The following PCDH15 variants were observed in gnomAD, a reference collection of about 807,000 sequenced individuals.
PCDH15 encodes the protein protocadherin related 15.
PCDH15 carries 129 observed loss-of-function variants against 178.5 expected under a neutral mutation model. The ratio of observed to expected loss-of-function variants is 0.72; its 90% CI spans 0.63 to 0.84. The LOEUF is 0.84. PCDH15 is among the 40% of genes least tolerant of loss of function. The pLI is 0.00. For missense variants in PCDH15, 2,230 were observed against 2,099.9 expected, an observed-to-expected ratio of 1.06 and a Z score of -1.21; for synonymous variants, 800 against 732.0, an observed-to-expected ratio of 1.09 and a Z score of -1.50.
chr10:53,881,617 A>G (rs755753079), intron 26 of PCDH15, among the ~76,000 whole-genome samples: 4 of 152,204 alleles, frequency 2.6e-5, no homozygotes, highest in Non-Finnish European at 5.9e-5. Context: ...TTAGACATAC[A>G]TAATTTTTAA....
intron 8 of PCDH15, among the ~76,000 whole-genome samples, chr10:54,297,826 C>G (rs80026065): frequency 0.047 from 7,221 of 152,234 alleles, 572 homozygotes; most frequent in African/African-American, 0.17. Flanking sequence ...AGCCTTTGAT[C>G]TTATTGGAAA....
At chr10:55,265,521 G>A (rs904122874) in intron 1 of PCDH15, among the ~76,000 whole-genome samples, 1 of 152,030 alleles carries the variant, frequency 6.6e-6, no homozygotes, top group African/African-American at 2.4e-5. Flanking sequence ...ATCACATATA[G>A]CATCAGGGAA....
At chr10:53,875,434 CTG>C (rs2080161755) in intron 26 of PCDH15, among the ~76,000 whole-genome samples, 2 of 151,958 alleles carry the variant, frequency 1.3e-5, no homozygotes, top group African/African-American at 4.8e-5. Flanking sequence ...AACTGACTCA[CTG>C]TGGAAACGCT....
intron 6 of PCDH15, among the ~76,000 whole-genome samples, chr10:54,330,144 TTTAAGTA>T (rs1466463688): frequency 7.0e-6 from 1 of 141,942 alleles, no homozygotes; most frequent in East Asian, 1.9e-4. Context: ...TTTAAGTATT[TTTAAGTA>T]TTATCTGGCA....
At chr10:54,021,486 T>C (rs1198536307) in intron 19 of PCDH15, among the ~76,000 whole-genome samples, 1 of 151,994 alleles carries the variant, frequency 6.6e-6, no homozygotes, top group South Asian at 2.1e-4. Context: ...ATCCTTAACA[T>C]GGTAAGAGCC....
chr10:54,936,863 TTATC>T (rs757600258), intron 2 of PCDH15, among the ~76,000 whole-genome samples: 25 of 151,976 alleles, frequency 1.6e-4, no homozygotes, highest in Middle Eastern at 3.4e-3. Flanking sequence ...TGTAGTCTAA[TTATC>T]TATTTTTCTT....
At chr10:54,982,244 T>C (rs1178255800) in intron 2 of PCDH15, among the ~76,000 whole-genome samples, 1 of 152,146 alleles carries the variant, frequency 6.6e-6, no homozygotes, top group African/African-American at 2.4e-5. Context: ...ATATTATATT[T>C]CAAATGCTAG....
At chr10:54,819,574 G>T (rs768218083) in intron 3 of PCDH15, among the ~76,000 whole-genome samples, 2 of 151,806 alleles carry the variant, frequency 1.3e-5, no homozygotes, top group Non-Finnish European at 2.9e-5. Context: ...GCATTCATTA[G>T]GAAGGTGTAT....
intron 13 of PCDH15, among the ~76,000 whole-genome samples, chr10:54,172,290 C>G (rs1002785394): frequency 1.3e-5 from 2 of 151,898 alleles, no homozygotes; most frequent in African/African-American, 4.8e-5. Flanking sequence ...AACACCCCCA[C>G]TGAGCACCTT....
intron 8 of PCDH15, among the ~76,000 whole-genome samples, chr10:54,274,540 T>C (rs996712890): frequency 4.6e-5 from 7 of 151,708 alleles, no homozygotes; most frequent in African/African-American, 1.5e-4. Flanking sequence ...TGGAATAAAA[T>C]AAGCAGCCAA....
intron 2 of PCDH15, among the ~76,000 whole-genome samples, chr10:54,985,601 T>C (rs562641531): frequency 6.6e-6 from 1 of 152,302 alleles, no homozygotes; most frequent in South Asian, 2.1e-4. Flanking sequence ...ACTGATTATT[T>C]ACCCTGATGA....
At chr10:55,591,350 G>T (rs1015897087) in intron 2 of PCDH15, among the ~76,000 whole-genome samples, 8 of 152,078 alleles carry the variant, frequency 5.3e-5, no homozygotes, top group African/African-American at 1.9e-4. Context: ...TAGGAGGCTT[G>T]CTTGAGCCCA....
chr10:55,410,626 A>G (rs1004000503), intron 2 of PCDH15, among the ~76,000 whole-genome samples: 1 of 152,186 alleles, frequency 6.6e-6, no homozygotes, highest in Non-Finnish European at 1.5e-5. Context: ...TAATACAATG[A>G]AACATTTCCC....
rs1389595386 is a variant in PCDH15, at chr10:54,273,945, C to T, written c.877-37014G>A. Among the ~76,000 whole-genome samples, 3 of 152,202 alleles carry T rather than the reference C, an allele frequency of 2.0e-5. No individual in the cohort carries two copies. In the South Asian group the frequency reaches 6.2e-4, roughly 32 times the overall value. The stretch of plus-strand genomic sequence containing the variant: ...TATGGTATATAAACATCATGGCATA[C>T]TATGCAGCTATAAAAAAGAACAAGA... On this transcript the variant is annotated intron_variant, in intron 8 of 37. Coordinates refer to ENST00000644397, the MANE Select transcript of PCDH15 (RefSeq NM_001384140.1).
rs540507383 is a variant in PCDH15 at position 54,345,801 on chromosome 10, C to CAAAAAAAAAAAAAAAAAAAAAAAAA, written c.594+539_594+563dup. 3.8e-5 allele frequency among the ~76,000 whole-genome samples: 2 copies of CAAAAAAAAAAAAAAAAAAAAAAAAA among 52,434 alleles called. 1 individual carries two copies. The highest frequency in any genetic ancestry group is 6.4e-5 in the Non-Finnish European group (2 of 31,056). 34.4% of individuals were successfully genotyped at this position (52,434 alleles called of 152,430 possible). A position where few individuals can be genotyped will look rare whatever the true frequency, so the allele number is the denominator to read the frequency against. The stretch of plus-strand genomic sequence containing the variant: ...TGGGCAACAGAGCGAGACTCCGTCT[C>CAAAAAAAAAAAAAAAAAAAAAAAAA]AAAAAAAAAAAAAAAAAAAAAAAAA... On this transcript the variant is annotated intron_variant, in intron 6 of 37. Coordinates refer to ENST00000644397, the MANE Select transcript of PCDH15 (RefSeq NM_001384140.1).
chr10:54,811,040 G>GT (rs1483202156), intron 3 of PCDH15, among the ~76,000 whole-genome samples: 1 of 151,928 alleles, frequency 6.6e-6, no homozygotes, highest in Non-Finnish European at 1.5e-5. Context: ...ATCTATAGTC[G>GT]TAAGTTTGAA....
intron 1 of PCDH15, among the ~76,000 whole-genome samples, chr10:54,672,101 T>C (rs1344994238): frequency 6.6e-6 from 1 of 152,136 alleles, no homozygotes; most frequent in African/African-American, 2.4e-5. Flanking sequence ...TGTCTGATGA[T>C]TGATCTGTCA....
intron 21 of PCDH15, among the ~76,000 whole-genome samples, chr10:53,972,632 T>A (rs1242024292): frequency 6.6e-6 from 1 of 152,030 alleles, no homozygotes; most frequent in Non-Finnish European, 1.5e-5. Context: ...GGGCAAAGCA[T>A]ATGAACAGAC....
chr10:55,598,348 T>C (rs1192678404), intron 2 of PCDH15, among the ~76,000 whole-genome samples: 1 of 148,436 alleles, frequency 6.7e-6, no homozygotes, highest in African/African-American at 2.5e-5. Context: ...ATAGTTATAT[T>C]AACAAGACTG....
Sources: gnomAD v4.1 joint callset for allele counts (sites outside exome capture counted in the v4.1 genomes callset) on GRCh38, gnomAD v4.1.1 for gene constraint, MANE v1.5 for transcripts, NCBI Gene and HGNC (gene_info 2026-07-23, HGNC 2026-07-21) for gene names.